ASRGL1: variants seen among roughly 807,000 people sequenced by gnomAD.
ASRGL1 encodes the protein isoaspartyl peptidase/L-asparaginase.
A neutral mutation model predicts 22.4 loss-of-function variants in ASRGL1; 16 were observed. That is an observed-to-expected ratio of 0.71 (90% confidence interval 0.48 to 1.08). ASRGL1 has a LOEUF of 1.08. Ranked by LOEUF, ASRGL1 falls within the 50% of genes least tolerant of loss-of-function variation. The pLI, the probability that ASRGL1 is intolerant of heterozygous loss-of-function variation, is 0.00. For missense variants in ASRGL1, 412 were observed against 410.1 expected, an observed-to-expected ratio of 1.00 and a Z score of -0.04; for synonymous variants, 165 against 159.3, an observed-to-expected ratio of 1.04 and a Z score of -0.27.
At chr11:62,343,988 G>C (rs1039177264) in intron 2 of ASRGL1, among the ~76,000 whole-genome samples, 6 of 147,240 alleles carry the variant, frequency 4.1e-5, no homozygotes, top group Non-Finnish European at 7.4e-5. Context: ...GAGAGAAATG[G>C]CGCGATCTCA....
intron 2 of ASRGL1, among the ~76,000 whole-genome samples, chr11:62,346,319 A>G (rs909667936): frequency 2.0e-5 from 3 of 152,174 alleles, no homozygotes; most frequent in African/African-American, 7.2e-5. Context: ...AGAGATGCAT[A>G]GGGCAAGGTA....
rs566786906 is a variant in ASRGL1 at position 62,373,685 on chromosome 11, C to T, written c.492-15448C>T. ...CGGAAGCATCCGGGTCACTCCTTTC[C>T]CGCTTTTTCTTGCAGATCGGCCTAG... On this transcript the variant is annotated intron_variant, in intron 4 of 6. Coordinates refer to ENST00000415229, the MANE Select transcript of ASRGL1 (RefSeq NM_001083926.2). Among the ~76,000 whole-genome samples the T allele has an allele frequency of 2.6e-5, 4 of 152,362 alleles. No homozygotes were observed. In the South Asian group the frequency reaches 6.2e-4, roughly 24 times the overall value.
downstream of ASRGL1, among the ~76,000 whole-genome samples, chr11:62,394,334 TTATAATA>T (rs1565179017): frequency 6.9e-6 from 1 of 144,376 alleles, no homozygotes; most frequent in Non-Finnish European, 1.5e-5. Context: ...AATTTATAAT[TTATAATA>T]TATATTATAT....
At chr11:62,383,934 T>A (rs1000845878) in intron 4 of ASRGL1, among the ~76,000 whole-genome samples, 1 of 137,740 alleles carries the variant, frequency 7.3e-6, no homozygotes, top group Admixed American at 7.5e-5. Context: ...AAAAAATCAG[T>A]ACTCCCTGGA....
intron 2 of ASRGL1, among the ~76,000 whole-genome samples, chr11:62,348,008 C>T (rs1479212363): frequency 1.3e-5 from 2 of 152,176 alleles, no homozygotes; most frequent in Non-Finnish European, 2.9e-5. Flanking sequence ...ATTGAATCCA[C>T]ACTAATAAAC....
chr11:62,351,650 CAA>C (rs34522226), intron 2 of ASRGL1, among the ~76,000 whole-genome samples: 1 of 127,058 alleles, frequency 7.9e-6, no homozygotes, highest in African/African-American at 3.0e-5. Context: ...AACTCATCTC[CAA>C]AAAAAAAAAA....
At chr11:62,357,626 C>T (rs1946336465) in intron 4 of ASRGL1, among the ~76,000 whole-genome samples, 1 of 151,962 alleles carries the variant, frequency 6.6e-6, no homozygotes, top group Admixed American at 6.6e-5. Context: ...TCTTCTTGAT[C>T]AGTTTATCTT....
chr11:62,388,642 C>G (rs1026393503), intron 4 of ASRGL1, among the ~76,000 whole-genome samples: 1 of 147,020 alleles, frequency 6.8e-6, no homozygotes, highest in African/African-American at 2.6e-5. Context: ...TGCACTGCAG[C>G]CTGGGCGACA....
At chr11:62,340,946 A>G (rs2134564685) in intron 2 of ASRGL1, among the ~76,000 whole-genome samples, 1 of 152,250 alleles carries the variant, frequency 6.6e-6, no homozygotes, top group East Asian at 1.9e-4. Flanking sequence ...ATGTTTATTT[A>G]CATTCTATTC....
intron 4 of ASRGL1, among the ~76,000 whole-genome samples, chr11:62,358,769 CTA>C (rs1382995753): frequency 1.3e-5 from 2 of 152,312 alleles, no homozygotes; most frequent in East Asian, 1.9e-4. Flanking sequence ...ATCCGTTGCT[CTA>C]TGTCTTGGAA....
intron 3 of ASRGL1, 147 bp downstream of exon 3, chr11:62,356,614 T>TA: frequency 2.7e-6 from 3 of 1,096,764 alleles, no homozygotes; most frequent in Non-Finnish European, 3.9e-6. Context: ...GTTTCTCAAA[T>TA]CAGCCATGAT....
At chr11:62,388,207 C>G (rs1947258348) in intron 4 of ASRGL1, among the ~76,000 whole-genome samples, 1 of 152,146 alleles carries the variant, frequency 6.6e-6, no homozygotes, top group African/African-American at 2.4e-5. Context: ...ATGGGACCAC[C>G]ATCCTATATG....
At chr11:62,338,276 CT>C in intron 2 of ASRGL1, 109 bp downstream of exon 2, 2 of 1,110,362 alleles carry the variant, frequency 1.8e-6, no homozygotes, top group Non-Finnish European at 2.4e-6. Context: ...TGGGGTGAAA[CT>C]AAGTATGTAA....
intron 4 of ASRGL1, among the ~76,000 whole-genome samples, chr11:62,359,734 T>C (rs57066953): frequency 0.22 from 34,128 of 151,924 alleles, 4,600 homozygotes; most frequent in South Asian, 0.36. Flanking sequence ...AAAAAGCTCC[T>C]GTAGTTGCTA....
intron 4 of ASRGL1, among the ~76,000 whole-genome samples, chr11:62,366,738 T>C (rs1946620094): frequency 6.6e-6 from 1 of 152,186 alleles, no homozygotes; most frequent in African/African-American, 2.4e-5. Context: ...CTTGAGCTCC[T>C]GAGCTCAAGT....
chr11:62,362,048 G>A (rs1163924150), intron 4 of ASRGL1, among the ~76,000 whole-genome samples: 4 of 152,170 alleles, frequency 2.6e-5, no homozygotes, highest in Non-Finnish European at 5.9e-5. Context: ...AATGAGAGAT[G>A]TACAAGCAAG....
chr11:62,359,330 C>T (rs1946378523), intron 4 of ASRGL1, among the ~76,000 whole-genome samples: 1 of 152,012 alleles, frequency 6.6e-6, no homozygotes, highest in Non-Finnish European at 1.5e-5. Context: ...CCTGTAATCC[C>T]AGCTACTCAG....
rs779313051 is a variant in ASRGL1 at position 62,384,012 on chromosome 11, A to G, written c.492-5121A>G. Among the ~76,000 whole-genome samples the G allele has an allele frequency of 1.3e-4, 20 of 150,744 alleles. No individual in the cohort carries two copies. The South Asian group carries it at 2.5e-3, about 19-fold the overall frequency. ...TTATTAAATGCATCTGTGTGTGTGCATGTGTGTGTGTGCACGTGTGTGCGT... is the reference window on the plus strand; with the variant it reads ...TTATTAAATGCATCTGTGTGTGTGCGTGTGTGTGTGTGCACGTGTGTGCGT... On this transcript the variant is annotated intron_variant, in intron 4 of 6. Coordinates refer to ENST00000415229, the MANE Select transcript of ASRGL1 (RefSeq NM_001083926.2).
At chr11:62,349,853 A>G (rs1301953511) in intron 2 of ASRGL1, among the ~76,000 whole-genome samples, 2 of 151,684 alleles carry the variant, frequency 1.3e-5, no homozygotes, top group Non-Finnish European at 2.9e-5. Flanking sequence ...TGGATTATTC[A>G]TGCCTCCCCT....
Sources: gnomAD v4.1 joint callset for allele counts (sites outside exome capture counted in the v4.1 genomes callset) on GRCh38, gnomAD v4.1.1 for gene constraint, MANE v1.5 for transcripts, NCBI Gene and HGNC (gene_info 2026-07-23, HGNC 2026-07-21) for gene names.